The following F2 variants were observed in gnomAD, a reference collection of about 807,000 sequenced individuals.
F2 encodes the protein prothrombin.
In F2, 34 loss-of-function variants were observed where a neutral mutation model predicts 81.9. That is an observed-to-expected ratio of 0.42 (90% CI 0.32 to 0.55). The LOEUF (loss-of-function observed/expected upper bound fraction) is 0.55, where lower values mean the gene tolerates loss of function less well. Ranked by LOEUF, F2 falls within the 20% of genes least tolerant of loss-of-function variation. The pLI is 0.18. For missense variants in F2, 630 were observed against 833.4 expected (o/e 0.76, Z 3.00); for synonymous variants, 296 against 326.4 (o/e 0.91, Z 1.01).
At chr11:46,720,900 CAG>C (rs2064831902) in intron 4 of F2, 60 bp downstream of exon 4, 3 of 1,599,968 alleles carry the variant, frequency 1.9e-6, no homozygotes, top group Non-Finnish European at 2.6e-6. Context: ...GAGAAGAGCT[CAG>C]GGGTGGGTTT....
In F2 at chr11:46,729,505, G is replaced by C. The variant is rs1361766713; in HGVS notation, c.1598G>C (p.Arg533Pro). The C allele has an allele frequency of 5.6e-6, 9 of 1,613,918 alleles. No homozygotes were observed. The highest frequency in any genetic ancestry group is 1.3e-5 in the African/African-American group (1 of 74,920). The change falls in exon 12 of 14, where the codon CGG becomes CCG. Residue 533 changes from arginine to proline, a missense_variant. Coordinates refer to ENST00000311907, the MANE Select transcript of F2 (RefSeq NM_000506.5). Reference sequence around the variant, plus strand: ...GTGGTGAACCTGCCCATTGTGGAGCGGCCGGTCTGCAAGGACTCCACCCGG... The same window carrying C: ...GTGGTGAACCTGCCCATTGTGGAGCCGCCGGTCTGCAAGGACTCCACCCGG... The part of the protein sequence containing the change: ...LQVVNLPIVE[R>P]PVCKDSTRIR...
chr11:46,726,062 G>A lies in F2; in HGVS notation c.763G>A (p.Val255Met), dbSNP rs769451576. 1 of 1,614,226 alleles carries A rather than the reference G, an allele frequency of 6.2e-7. No homozygotes were observed. The highest frequency in any genetic ancestry group is 8.5e-7 in the Non-Finnish European group (1 of 1,180,040). Reference sequence around the variant, plus strand: ...CAAGCACCAGGACTTCAACTCAGCTGTGCAGCTGGTGGAGAACTTCTGCCG... The same window carrying A: ...CAAGCACCAGGACTTCAACTCAGCTATGCAGCTGGTGGAGAACTTCTGCCG... ...LSKHQDFNSA[V>M]QLVENFCRNP... Residue 255 changes from valine to methionine, a missense_variant, in exon 7 of 14, where the codon GTG becomes ATG. Coordinates refer to ENST00000311907, the MANE Select transcript of F2 (RefSeq NM_000506.5). This position sits in a 1 kb window ranked among gnomAD's most constrained non-coding sequence, Gnocchi z 5.9.
chr11:46,720,622 T>C (rs1334007064), intron 3 of F2, 75 bp downstream of exon 3: 1 of 1,582,146 alleles, frequency 6.3e-7, no homozygotes. Context: ...CCAGAGAATC[T>C]TCTGCTGCAC....
intron 3 of F2, 50 bp from the exon 4 acceptor site, chr11:46,720,740 C>T (rs2064830894): frequency 6.2e-7 from 1 of 1,604,100 alleles, no homozygotes; most frequent in Non-Finnish European, 8.5e-7. Flanking sequence ...GACTCCAGCT[C>T]ATCCTGGCCA....
At position 46,726,420 on chromosome 11, in the gene F2, G is replaced by A. The variant is rs969467105; in HGVS notation, c.875-78G>A. 1.5e-5 allele frequency: 24 copies of A among 1,568,046 alleles called. No homozygotes were observed. The highest frequency in any genetic ancestry group is 9.5e-5 in the African/African-American group (7 of 73,826). On this transcript the variant is annotated intron_variant, in intron 7 of 13. Coordinates refer to ENST00000311907, the MANE Select transcript of F2 (RefSeq NM_000506.5). This position sits in a 1 kb window ranked among gnomAD's most constrained non-coding sequence, Gnocchi z 5.9. ...CTGCACCAAATGGCCTCCAAGGCCC[G>A]TAGGGGAATTGGGGGGATCTAGGGG...
rs758038546 is a variant in F2, at chr11:46,719,249, G to A, written c.14G>A (p.Arg5Gln). MAHV[R>Q]GLQLPGCLAL... ...AGCTGACACACTATGGCGCACGTCC[G>A]AGGCTTGCAGCTGCCTGGCTGCCTG... is the stretch of plus-strand genomic sequence containing the variant. Residue 5 changes from arginine (R) to glutamine (Q), a missense_variant, in exon 1 of 14, where the codon CGA becomes CAA. By Grantham distance (43) the Arg-to-Gln change is conservative. Transcript: ENST00000311907. The surrounding 1 kb of genome is among the most constrained non-coding windows in gnomAD (Gnocchi z 4.7). 3 of 1,613,840 alleles carry A rather than the reference G, an allele frequency of 1.9e-6. No individual in the cohort carries two copies. Among genetic ancestry groups the A allele is most frequent in the Non-Finnish European group, 2.5e-6 (3 of 1,180,020 alleles).
rs113164417 is a variant in F2, at chr11:46,723,286, G to A, written c.422+1G>A. ...GGAGTCGCTACCCACATAAGCCTGAGTGAGTGAGGGGCCGGCCTTCCCACC... is the reference window on the plus strand; with the variant it reads ...GGAGTCGCTACCCACATAAGCCTGAATGAGTGAGGGGCCGGCCTTCCCACC... On this transcript the variant is annotated splice_donor_variant, in intron 5 of 13. Coordinates refer to ENST00000311907, the MANE Select transcript of F2 (RefSeq NM_000506.5). LOFTEE classifies it high-confidence loss of function. This position sits in a 1 kb window ranked among gnomAD's most constrained non-coding sequence, Gnocchi z 5.6. 2.5e-6 allele frequency: 4 copies of A among 1,613,540 alleles called. No individual in the cohort carries two copies. Among genetic ancestry groups the A allele is most frequent in the Admixed American group, 3.3e-5 (2 of 59,986 alleles).
chr11:46,719,542 ACAGGGGGCCACATTTAG>A lies in F2; in HGVS notation c.80-156_80-140del. 9.8e-7 allele frequency: 1 copy of A among 1,015,360 alleles called. No individual in the cohort carries two copies. The highest frequency in any genetic ancestry group is 1.5e-6 in the Non-Finnish European group (1 of 683,170). The allele number at this position is 1,015,360 out of a possible 1,614,324, so 62.9% of individuals were successfully genotyped here. On this transcript the variant is annotated intron_variant, in intron 1 of 13. Coordinates refer to ENST00000311907, the MANE Select transcript of F2 (RefSeq NM_000506.5). The surrounding 1 kb of genome is among the most constrained non-coding windows in gnomAD (Gnocchi z 4.7). Reference sequence around the variant, plus strand: ...GGGCAAGGGGCAGTGTAGGAGGGGCACAGGGGGCCACATTTAGCAGCCTTCCAGGCACTTCCACCAGC... The same window carrying A: ...GGGCAAGGGGCAGTGTAGGAGGGGCACAGCCTTCCAGGCACTTCCACCAGC...
chr11:46,731,202 C>CCACT (rs1280349643), intron 12 of F2, among the ~76,000 whole-genome samples: 8 of 151,354 alleles, frequency 5.3e-5, no homozygotes, highest in Non-Finnish European at 1.0e-4. Context: ...CAGGCGTGAA[C>CCACT]CACTGTACTC....
Position 46,739,303 on chromosome 11 carries a change from C to T in F2, c.1764C>T (p.Val588=). The part of the protein sequence containing the change: ...FNNRWYQMGI[V]SWGEGCDRDG... ...ACCGCTGGTATCAAATGGGCATCGT[C>T]TCATGGGGTGAAGGCTGTGACCGGG... Residue 588 remains valine, a synonymous_variant, in exon 14 of 14, where the codon GTC becomes GTT. Transcript: ENST00000311907. 6.2e-7 allele frequency: 1 copy of T among 1,614,130 alleles called. No homozygotes were observed. Among genetic ancestry groups the T allele is most frequent in the Non-Finnish European group, 8.5e-7 (1 of 1,180,026 alleles).
Position 46,719,411 on chromosome 11 carries a change from C to T in F2, c.79+97C>T. The T allele has an allele frequency of 7.1e-7, 1 of 1,409,438 alleles. No homozygotes were observed. 87.3% of individuals were successfully genotyped at this position (1,409,438 alleles called of 1,614,324 possible). A position where few individuals can be genotyped will look rare whatever the true frequency, so the allele number is the denominator to read the frequency against. ...CTGGACAGAGCACACAGAGCTGGCC[C>T]CTAAGTAGGTCTCAGCCCCAGGCGG... On this transcript the variant is annotated intron_variant, in intron 1 of 13. Coordinates refer to ENST00000311907, the MANE Select transcript of F2 (RefSeq NM_000506.5). This position sits in a 1 kb window ranked among gnomAD's most constrained non-coding sequence, Gnocchi z 4.7.
At chr11:46,724,026 C>T (rs977999795) in intron 6 of F2, among the ~76,000 whole-genome samples, 1 of 152,294 alleles carries the variant, frequency 6.6e-6, no homozygotes, top group South Asian at 2.1e-4. Flanking sequence ...CCTCCCCCTC[C>T]CCACTCTTGA....
At chr11:46,738,927 G>T in intron 12 of F2, 121 bp from the exon 13 acceptor site, 2 of 964,750 alleles carry the variant, frequency 2.1e-6, no homozygotes, top group Non-Finnish European at 3.3e-6. Context: ...GTAGGGTGAG[G>T]AAGTGGGGAC....
At position 46,728,805 on chromosome 11, in the gene F2, T is replaced by A. The variant is rs772843574; in HGVS notation, c.1440T>A (p.Pro480=). The change falls in exon 11 of 14, where the codon CCT becomes CCA. Residue 480 remains proline (P), a synonymous_variant. Coordinates refer to ENST00000311907, the MANE Select transcript of F2 (RefSeq NM_000506.5). This position sits in a 1 kb window ranked among gnomAD's most constrained non-coding sequence, Gnocchi z 5.1. ...TTGCCTTCAGTGACTACATTCACCC[T>A]GTGTGTCTGCCCGACAGGGAGACGG... ...KPVAFSDYIH[P]VCLPDRETAA... 6.2e-7 allele frequency: 1 copy of A among 1,614,100 alleles called. No homozygotes were observed. Among genetic ancestry groups the A allele is most frequent in the Non-Finnish European group, 8.5e-7 (1 of 1,180,014 alleles).
At position 46,728,898 on chromosome 11, in the gene F2, T is replaced by G. The variant is rs1197891248; in HGVS notation, c.1472+61T>G. 1.9e-6 allele frequency: 3 copies of G among 1,581,404 alleles called. No homozygotes were observed. The highest frequency in any genetic ancestry group is 2.7e-5 in the African/African-American group (2 of 74,370). On this transcript the variant is annotated intron_variant, in intron 11 of 13. Coordinates refer to ENST00000311907, the MANE Select transcript of F2 (RefSeq NM_000506.5). This position sits in a 1 kb window ranked among gnomAD's most constrained non-coding sequence, Gnocchi z 5.1. ...AGCCAAGTTCTGGGCCTGGCTCTGA[T>G]ACCAAGTAGCCTTGCAAGAGCCCCT... is the stretch of plus-strand genomic sequence containing the variant.
At position 46,723,890 on chromosome 11, in the gene F2, C is replaced by T. The variant is rs2064855458; in HGVS notation, c.559+372C>T. ...GGGCGACAAGAGCAAAACTCTGTCT[C>T]AAAGAAAAAAAAAAGATGCTGGCCA... On this transcript the variant is annotated intron_variant, in intron 6 of 13. Coordinates refer to ENST00000311907, the MANE Select transcript of F2 (RefSeq NM_000506.5). This position sits in a 1 kb window ranked among gnomAD's most constrained non-coding sequence, Gnocchi z 5.6. Among the ~76,000 whole-genome samples, 1 of 149,368 alleles carries T rather than the reference C, an allele frequency of 6.7e-6. No individual in the cohort carries two copies. The highest frequency in any genetic ancestry group is 2.1e-4 in the South Asian group (1 of 4,742).
intron 13 of F2, 67 bp downstream of exon 13, chr11:46,739,185 C>A: frequency 1.9e-6 from 3 of 1,613,470 alleles, no homozygotes; most frequent in Non-Finnish European, 2.5e-6. Context: ...ACTCTAGTAT[C>A]TAGAAACAGT....
At chr11:46,725,779 AC>A in intron 6 of F2, 79 bp from the exon 7 acceptor site, 2 of 1,497,844 alleles carry the variant, frequency 1.3e-6, no homozygotes, top group Non-Finnish European at 1.9e-6. Context: ...AAGCAGCAAG[AC>A]CGGGGTTCAC....
In F2 at chr11:46,728,217, G is replaced by A; in HGVS notation, c.1298+54G>A. The stretch of plus-strand genomic sequence containing the variant: ...GGCAGGGGTCTGAGTCCTCCAAAGC[G>A]ATCATGAGGGGCCCTGGTGGCTCCG... On this transcript the variant is annotated intron_variant, in intron 10 of 13. Transcript: ENST00000311907. This position sits in a 1 kb window ranked among gnomAD's most constrained non-coding sequence, Gnocchi z 5.1. 2 of 1,559,394 alleles carry A rather than the reference G, an allele frequency of 1.3e-6. No individual in the cohort carries two copies. Among genetic ancestry groups the A allele is most frequent in the South Asian group, 1.2e-5 (1 of 85,854 alleles).
Sources: allele counts gnomAD v4.1 joint callset (sites outside exome capture counted in the v4.1 genomes callset), GRCh38; gene constraint gnomAD v4.1.1; non-coding constraint Gnocchi (gnomAD v3.1); transcripts MANE v1.5; gene names NCBI Gene and HGNC (gene_info 2026-07-23, HGNC 2026-07-21).